Variants in RYR2 observed in about 807,000 individuals in gnomAD.
RYR2 encodes the protein cardiac muscle ryanodine receptor-calcium release channel.
Under a neutral mutation model 601.1 loss-of-function variants are expected in RYR2, and 227 were observed. That is an observed-to-expected ratio of 0.38 (90% confidence interval 0.34 to 0.42). The LOEUF (loss-of-function observed/expected upper bound fraction) is 0.42. RYR2 is among the 10% of genes least tolerant of loss of function. The probability of loss-of-function intolerance (pLI) is 1.00; values close to 1 mark genes in which losing one functional copy is unlikely to be tolerated. For missense variants in RYR2, 4,646 were observed against 6,156.5 expected, an observed-to-expected ratio of 0.75 and a Z score of 8.21; for synonymous variants, 2,223 against 2,175.1, an observed-to-expected ratio of 1.02 and a Z score of -0.61.
intron 100 of RYR2, among the ~76,000 whole-genome samples, chr1:237,811,656 C>T (rs1194098341): frequency 1.3e-5 from 2 of 152,150 alleles, no homozygotes; most frequent in African/African-American, 4.8e-5. Flanking sequence ...ATTAAATTTT[C>T]GAAGGCTTGG....
At chr1:237,539,514 T>C (rs1423741913) in intron 25 of RYR2, among the ~76,000 whole-genome samples, 2 of 152,228 alleles carry the variant, frequency 1.3e-5, no homozygotes, top group Admixed American at 6.5e-5. Flanking sequence ...CTATATTCCC[T>C]ATTAAAAATA....
intron 1 of RYR2, among the ~76,000 whole-genome samples, chr1:237,143,988 G>A (rs993287897): frequency 4.6e-5 from 7 of 152,186 alleles, no homozygotes; most frequent in East Asian, 1.9e-4. Context: ...AATTAGCTGC[G>A]CATGGTGACA....
intron 32 of RYR2, among the ~76,000 whole-genome samples, chr1:237,593,159 A>G (rs1472911734): frequency 1.3e-5 from 2 of 152,168 alleles, no homozygotes; most frequent in Non-Finnish European, 2.9e-5. Context: ...GTATGTGTGT[A>G]TATTACACAC....
At chr1:237,317,059 T>A (rs867261499) in intron 2 of RYR2, among the ~76,000 whole-genome samples, 1 of 152,214 alleles carries the variant, frequency 6.6e-6, no homozygotes, top group South Asian at 2.1e-4. Flanking sequence ...AGGCTGATGA[T>A]TGTGCTTCAA....
intron 1 of RYR2, among the ~76,000 whole-genome samples, chr1:237,128,487 G>A (rs533047583): frequency 4.6e-5 from 7 of 152,330 alleles, no homozygotes; most frequent in South Asian, 4.1e-4. Context: ...AAAGAAGGTG[G>A]TATAGCTAGA....
chr1:237,684,308 A>T (rs2148954527), intron 62 of RYR2, among the ~76,000 whole-genome samples: 1 of 152,078 alleles, frequency 6.6e-6, no homozygotes, highest in Non-Finnish European at 1.5e-5. Flanking sequence ...ACACACACAC[A>T]CAATAACACA....
At chr1:237,245,273 T>C (rs1686694748) in intron 1 of RYR2, among the ~76,000 whole-genome samples, 1 of 152,056 alleles carries the variant, frequency 6.6e-6, no homozygotes, top group Non-Finnish European at 1.5e-5. Context: ...CTGATCAGCC[T>C]CTTTGGAAGC....
chr1:237,387,501 A>G (rs1702037441), intron 9 of RYR2, 121 bp downstream of exon 9: 2 of 807,864 alleles, frequency 2.5e-6, no homozygotes, highest in African/African-American at 3.4e-5. Flanking sequence ...AATATTCTGT[A>G]ATGCAGATAC....
At chr1:237,081,882 T>A (rs947197277) in intron 1 of RYR2, among the ~76,000 whole-genome samples, 1 of 152,062 alleles carries the variant, frequency 6.6e-6, no homozygotes, top group African/African-American at 2.4e-5. Flanking sequence ...AAGGGTGAGC[T>A]CCACCAGGCA....
chr1:237,216,130 A>T (rs1170312108), intron 1 of RYR2, among the ~76,000 whole-genome samples: 1 of 152,196 alleles, frequency 6.6e-6, no homozygotes, highest in Admixed American at 6.5e-5. Context: ...AATGAAAAAT[A>T]TTAATCTAGT....
chr1:237,044,953 CTTCTT>C (rs938524895), intron 1 of RYR2, among the ~76,000 whole-genome samples: 9 of 99,000 alleles, frequency 9.1e-5, no homozygotes, highest in Non-Finnish European at 2.0e-4. Flanking sequence ...TCTTCTTCTT[CTTCTT>C]TTTTTTTTTT....
intron 12 of RYR2, among the ~76,000 whole-genome samples, chr1:237,424,209 A>C (rs1365559402): frequency 6.6e-6 from 1 of 152,200 alleles, no homozygotes; most frequent in Non-Finnish European, 1.5e-5. Context: ...AATTTAATGA[A>C]GATTGTGAAA....
chr1:237,348,964 C>A (rs1698530144), intron 3 of RYR2, among the ~76,000 whole-genome samples: 1 of 152,074 alleles, frequency 6.6e-6, no homozygotes, highest in South Asian at 2.1e-4. Context: ...AATATCCAGA[C>A]TGGCCTATGT....
intron 25 of RYR2, among the ~76,000 whole-genome samples, chr1:237,531,852 C>A (rs1668169001): frequency 6.6e-6 from 1 of 152,024 alleles, no homozygotes; most frequent in Non-Finnish European, 1.5e-5. Context: ...TGAGCACAGA[C>A]CACAGTGTTC....
intron 101 of RYR2, among the ~76,000 whole-genome samples, chr1:237,823,742 G>T (rs1184742567): frequency 6.6e-6 from 1 of 152,164 alleles, no homozygotes; most frequent in Non-Finnish European, 1.5e-5. Context: ...GAATCCAGGA[G>T]CTGGTGTTTT....
intron 29 of RYR2, among the ~76,000 whole-genome samples, chr1:237,579,670 T>C (rs1338952932): frequency 6.6e-6 from 1 of 152,178 alleles, no homozygotes; most frequent in Non-Finnish European, 1.5e-5. Context: ...CTAATTTGTA[T>C]TAAAATTATA....
chr1:237,732,129 G>A lies in RYR2; in HGVS notation c.11019G>A (p.Arg3673=). ...PLHQLILLFS[R]TALTEKCKLE... is the part of the protein sequence containing the mutation. ...ATCAGCTGATCCTTCTGTTTAGTCGGACAGCTTTAACAGAGAAATGGTATG... is the reference window on the plus strand; with the variant it reads ...ATCAGCTGATCCTTCTGTTTAGTCGAACAGCTTTAACAGAGAAATGGTATG... Residue 3673 remains arginine, a synonymous_variant, in exon 78 of 105, where the codon CGG becomes CGA. Transcript: ENST00000366574. 2 of 1,609,202 alleles carry A rather than the reference G, an allele frequency of 1.2e-6. No homozygotes were observed. Among genetic ancestry groups the A allele is most frequent in the Non-Finnish European group, 1.7e-6 (2 of 1,176,178 alleles).
chr1:237,669,048 G>C (rs1414098306), intron 58 of RYR2, among the ~76,000 whole-genome samples: 1 of 150,754 alleles, frequency 6.6e-6, no homozygotes, highest in Non-Finnish European at 1.5e-5. Context: ...TGTGTCCCTG[G>C]GTACTTGAGA....
At chr1:237,174,863 A>G (rs1677841019) in intron 1 of RYR2, among the ~76,000 whole-genome samples, 1 of 152,230 alleles carries the variant, frequency 6.6e-6, no homozygotes, top group South Asian at 2.1e-4. Flanking sequence ...ATGATCTATT[A>G]AATATACTCC....
Sources: gnomAD v4.1 joint callset for allele counts (sites outside exome capture counted in the v4.1 genomes callset) on GRCh38, gnomAD v4.1.1 for gene constraint, MANE v1.5 for transcripts, NCBI Gene and HGNC (gene_info 2026-07-23, HGNC 2026-07-21) for gene names.